The following DGKB variants were observed in gnomAD, a reference collection of about 807,000 sequenced individuals.
DGKB encodes diacylglycerol kinase beta, also known as 90 kDa diacylglycerol kinase.
A neutral mutation model predicts 114.3 loss-of-function variants in DGKB; 67 were observed. The ratio of observed to expected loss-of-function variants is 0.59; its 90% CI spans 0.48 to 0.72. The LOEUF (loss-of-function observed/expected upper bound fraction) is 0.72, where lower values mean the gene tolerates loss of function less well. Ranked by LOEUF, DGKB falls within the 30% of genes least tolerant of loss-of-function variation. The pLI, the probability that DGKB is intolerant of heterozygous loss-of-function variation, is 0.00. For synonymous variants in DGKB, 398 were observed against 323.1 expected (o/e 1.23, Z -2.49); for missense variants, 907 against 975.2 (o/e 0.93, Z 0.93).
intron 20 of DGKB, among the ~76,000 whole-genome samples, chr7:14,568,286 G>A (rs1173511379): frequency 6.6e-6 from 1 of 152,116 alleles, no homozygotes; most frequent in Non-Finnish European, 1.5e-5. Flanking sequence ...ATGATTTCAG[G>A]ATCATTTCCG....
Position 14,311,445 on chromosome 7 carries a change from A to G in DGKB, c.2122+27070T>C, listed in dbSNP as rs144504821. Among the ~76,000 whole-genome samples, 1,320 of 151,950 alleles carry G rather than the reference A, an allele frequency of 8.7e-3. 68 individuals carry two copies. The highest frequency in any genetic ancestry group is 0.079 in the Admixed American group (1,210 of 15,256). ...TTTTTCATCATTTTTTTTTTTAGAC[A>G]AGGTTTCACTCTGTCTCCCAGGTTG... On this transcript the variant is annotated intron_variant, in intron 23 of 25. Coordinates refer to ENST00000402815, the MANE Select transcript of DGKB (RefSeq NM_001350709.2).
At chr7:14,205,520 C>T (rs1197962702) in intron 23 of DGKB, among the ~76,000 whole-genome samples, 1 of 151,832 alleles carries the variant, frequency 6.6e-6, no homozygotes, top group African/African-American at 2.4e-5. Context: ...ATATTATGTT[C>T]TAAATTTTTC....
intron 21 of DGKB, among the ~76,000 whole-genome samples, chr7:14,448,230 GA>G (rs1375472994): frequency 6.6e-6 from 1 of 152,046 alleles, no homozygotes; most frequent in Admixed American, 6.6e-5. Context: ...GGAACATTTG[GA>G]AGAGAAAGAT....
At chr7:14,970,399 A>T (rs1156395592) in intron 1 of DGKB, among the ~76,000 whole-genome samples, 1 of 152,132 alleles carries the variant, frequency 6.6e-6, no homozygotes, top group Non-Finnish European at 1.5e-5. Flanking sequence ...TAAAGAAGTA[A>T]AACAGGGTAA....
intron 23 of DGKB, among the ~76,000 whole-genome samples, chr7:14,218,418 A>G (rs970465989): frequency 3.9e-5 from 6 of 152,120 alleles, no homozygotes; most frequent in African/African-American, 1.4e-4. Context: ...TTAAATAAAA[A>G]TATCTTTCTA....
At chr7:14,355,107 C>G (rs1039635702) in intron 21 of DGKB, among the ~76,000 whole-genome samples, 1 of 152,108 alleles carries the variant, frequency 6.6e-6, no homozygotes, top group Admixed American at 6.6e-5. Flanking sequence ...CCTCTTTCTG[C>G]CATTCACCAG....
At chr7:14,492,759 C>T (rs1350852645) in intron 20 of DGKB, among the ~76,000 whole-genome samples, 2 of 151,868 alleles carry the variant, frequency 1.3e-5, no homozygotes, top group Admixed American at 1.3e-4. Context: ...TAATAAGGGC[C>T]AAGAAATTTA....
chr7:14,827,517 AC>A (rs1291703965), intron 2 of DGKB, among the ~76,000 whole-genome samples: 15 of 151,872 alleles, frequency 9.9e-5, no homozygotes, highest in African/African-American at 3.4e-4. Context: ...GGAAGAAACT[AC>A]TCTTTGAAAA....
chr7:14,405,808 T>C (rs191067877), intron 21 of DGKB, among the ~76,000 whole-genome samples: 65 of 151,972 alleles, frequency 4.3e-4, no homozygotes, highest in African/African-American at 1.5e-3. Flanking sequence ...GAGCTCTCCA[T>C]GCAAAAATAT....
At chr7:14,875,550 T>C (rs967567374) in intron 1 of DGKB, among the ~76,000 whole-genome samples, 1 of 152,190 alleles carries the variant, frequency 6.6e-6, no homozygotes, top group South Asian at 2.1e-4. Flanking sequence ...TTGGTAAAAG[T>C]AGATAACGCA....
chr7:14,598,105 C>T (rs1219542959), intron 17 of DGKB, among the ~76,000 whole-genome samples: 3 of 152,122 alleles, frequency 2.0e-5, no homozygotes, highest in Admixed American at 6.5e-5. Context: ...AGCATTATCA[C>T]TAATATCTAA....
chr7:14,597,182 T>C (rs771054372), intron 17 of DGKB, among the ~76,000 whole-genome samples: 3 of 152,132 alleles, frequency 2.0e-5, no homozygotes, highest in African/African-American at 4.8e-5. Context: ...CATTCCAGCC[T>C]GGGCGACAGA....
intron 7 of DGKB, 41 bp downstream of exon 7, chr7:14,701,640 A>C (rs531962057): frequency 1.4e-6 from 2 of 1,439,436 alleles, no homozygotes; most frequent in Admixed American, 3.4e-5. Flanking sequence ...TCAGAAGAAA[A>C]TCTTTGAAGT....
chr7:14,894,870 A>G (rs967555451), intron 1 of DGKB, among the ~76,000 whole-genome samples: 4 of 151,624 alleles, frequency 2.6e-5, no homozygotes, highest in Admixed American at 6.6e-5. Context: ...CTTTTATGCT[A>G]TGTTATCTTT....
At chr7:14,893,966 G>C (rs1781707353) in intron 1 of DGKB, among the ~76,000 whole-genome samples, 1 of 150,788 alleles carries the variant, frequency 6.6e-6, no homozygotes, top group African/African-American at 2.4e-5. Context: ...TTTTTTTCCA[G>C]AACCTACTAC....
chr7:14,324,137 C>T (rs529073309), intron 23 of DGKB, among the ~76,000 whole-genome samples: 20 of 152,208 alleles, frequency 1.3e-4, no homozygotes, highest in East Asian at 5.8e-4. Flanking sequence ...AAGAGCTATA[C>T]GCAAATTTTA....
chr7:14,945,333 G>T (rs938395232), intron 1 of DGKB, among the ~76,000 whole-genome samples: 2 of 151,736 alleles, frequency 1.3e-5, no homozygotes, highest in African/African-American at 4.8e-5. Flanking sequence ...TTGGAGAGGC[G>T]GTAGTAACCA....
At chr7:14,477,838 G>T (rs1782412987) in intron 21 of DGKB, among the ~76,000 whole-genome samples, 1 of 152,046 alleles carries the variant, frequency 6.6e-6, no homozygotes, top group South Asian at 2.1e-4. Flanking sequence ...TGGGATCAAG[G>T]TTGATTGCTG....
intron 1 of DGKB, among the ~76,000 whole-genome samples, chr7:14,871,395 C>T (rs170093): frequency 0.99 from 151,282 of 152,274 alleles, 75,160 homozygotes; most frequent in Middle Eastern, 1. Flanking sequence ...CAAAATGTGA[C>T]GGGAAAGGGG....
Sources: gnomAD v4.1 joint callset for allele counts (sites outside exome capture counted in the v4.1 genomes callset) on GRCh38, gnomAD v4.1.1 for gene constraint, MANE v1.5 for transcripts, NCBI Gene and HGNC (gene_info 2026-07-23, HGNC 2026-07-21) for gene names.